ADAMTS20: variants seen among roughly 807,000 people sequenced by gnomAD.
ADAMTS20 encodes A disintegrin and metalloproteinase with thrombospondin motifs 20.
Under a neutral mutation model 260.1 loss-of-function variants are expected in ADAMTS20, and 225 were observed. The ratio of observed to expected loss-of-function variants is 0.87; its 90% confidence interval spans 0.78 to 0.97. ADAMTS20 has a LOEUF of 0.97. Ranked by LOEUF, ADAMTS20 falls within the 50% of genes least tolerant of loss-of-function variation. The probability of loss-of-function intolerance (pLI) is 0.00; values close to 1 mark genes in which losing one functional copy is unlikely to be tolerated. For synonymous variants in ADAMTS20, 802 were observed against 769.5 expected (o/e 1.04, Z -0.70); for missense variants, 2,400 against 2,337.7 (o/e 1.03, Z -0.55).
intron 3 of ADAMTS20, among the ~76,000 whole-genome samples, chr12:43,510,760 C>T (rs78719027): frequency 0.024 from 3,597 of 152,126 alleles, 65 homozygotes; most frequent in East Asian, 0.079. Flanking sequence ...AAATTACAAA[C>T]ATTGAATATC....
At chr12:43,375,986 T>C in intron 35 of ADAMTS20, 71 bp downstream of exon 35, 1 of 1,154,792 alleles carries the variant, frequency 8.7e-7, no homozygotes, top group Non-Finnish European at 1.2e-6. Flanking sequence ...AGTATCACTC[T>C]GAGGGCTAGA....
chr12:43,488,228 G>A (rs1432233294), intron 7 of ADAMTS20, among the ~76,000 whole-genome samples: 2 of 151,958 alleles, frequency 1.3e-5, no homozygotes, highest in East Asian at 3.8e-4. Context: ...TAGAGTTCAG[G>A]TTTAACAGGG....
At chr12:43,379,595 G>T (rs775094193) in intron 31 of ADAMTS20, among the ~76,000 whole-genome samples, 12 of 152,144 alleles carry the variant, frequency 7.9e-5, no homozygotes, top group Non-Finnish European at 1.5e-4. Context: ...CTTGGCAAAG[G>T]CTAGGGAACC....
In ADAMTS20 at chr12:43,424,537, C is replaced by T. The variant is rs1490265176; in HGVS notation, c.4284+977G>A. ...TACTTTTATAAACATAATATTTTCA[C>T]ATTTCCAAACAAAATAATAAGTTGG... On this transcript the variant is annotated intron_variant, in intron 28 of 38. Transcript: ENST00000389420. Among the ~76,000 whole-genome samples, 4 of 152,100 alleles carry T rather than the reference C, an allele frequency of 2.6e-5. No homozygotes were observed. In the East Asian group the frequency reaches 7.7e-4, roughly 29 times the overall value.
At chr12:43,452,221 A>G (rs770887420) in intron 14 of ADAMTS20, 53 bp downstream of exon 14, 149 of 1,525,622 alleles carry the variant, frequency 9.8e-5, no homozygotes, top group Non-Finnish European at 1.2e-4. Flanking sequence ...ATCGAAAAAA[A>G]ACATTATTCT....
chr12:43,418,099 A>G (rs1209492894), intron 28 of ADAMTS20, among the ~76,000 whole-genome samples: 7 of 152,182 alleles, frequency 4.6e-5, no homozygotes, highest in Non-Finnish European at 1.0e-4. Flanking sequence ...GCTCATAAAG[A>G]TGAATTACCA....
chr12:43,528,309 G>A (rs1434415058), intron 3 of ADAMTS20, among the ~76,000 whole-genome samples: 3 of 79,804 alleles, frequency 3.8e-5, no homozygotes, highest in Non-Finnish European at 6.8e-5. Flanking sequence ...AAATTCATAT[G>A]GAACTAAAAA....
Position 43,391,828 on chromosome 12 carries a change from C to T in ADAMTS20, c.4452+7238G>A, listed in dbSNP as rs866053191. Among the ~76,000 whole-genome samples, 11 of 152,244 alleles carry T rather than the reference C, an allele frequency of 7.2e-5. No individual in the cohort carries two copies. The Middle Eastern group carries it at 0.017, about 235-fold the overall frequency. On this transcript the variant is annotated intron_variant, in intron 29 of 38. Transcript: ENST00000389420. ...TAAAGCCCACAAAAGCTAAGAATTTCGTTTACCCAGTAGACTAAAATTCCT... is the reference window on the plus strand; with the variant it reads ...TAAAGCCCACAAAAGCTAAGAATTTTGTTTACCCAGTAGACTAAAATTCCT...
rs760784003 is a variant in ADAMTS20 at position 43,399,199 on chromosome 12, C to T, written c.4319G>A (p.Arg1440His). The T allele has an allele frequency of 6.4e-6, 10 of 1,570,434 alleles. No individual in the cohort carries two copies. Among genetic ancestry groups the T allele is most frequent in the South Asian group, 6.0e-5 (5 of 83,954 alleles). The change falls in exon 29 of 39, where the codon CGT (arginine) becomes CAT (histidine). Residue 1440 changes from arginine to histidine, a missense_variant. Arg to His is a conservative substitution (Grantham distance 29, BLOSUM62 0). Transcript: ENST00000389420. ...SASCGKGRKY[R>H]EVFCIDQFQR... ...GAATTGGTCAATGCAAAACACTTCA[C>T]GGTACTTTCTACCTTTACCACAAGA...
chr12:43,519,153 T>C (rs556204311), intron 3 of ADAMTS20, among the ~76,000 whole-genome samples: 1 of 152,092 alleles, frequency 6.6e-6, no homozygotes, highest in Non-Finnish European at 1.5e-5. Flanking sequence ...CCAGATTCAG[T>C]ACTGTGACTT....
chr12:43,502,130 A>C, intron 4 of ADAMTS20, 22 bp downstream of exon 4: 4 of 1,514,912 alleles, frequency 2.6e-6, no homozygotes, highest in African/African-American at 2.9e-5. Flanking sequence ...GGAAATATAA[A>C]AGTCATATTA....
chr12:43,496,756 T>A (rs1373540388), intron 4 of ADAMTS20, among the ~76,000 whole-genome samples: 1 of 152,170 alleles, frequency 6.6e-6, no homozygotes, highest in Non-Finnish European at 1.5e-5. Context: ...ACATTTGTTT[T>A]AAAGAACAAA....
Position 43,551,249 on chromosome 12 carries a change from G to T in ADAMTS20, c.113C>A (p.Thr38Asn), listed in dbSNP as rs768885061. ...CTCGGGGATCACTACTTCGTAGGAGGTCAGTGTCCTCACCAGGGCTTCTGC... is the reference window on the plus strand; with the variant it reads ...CTCGGGGATCACTACTTCGTAGGAGTTCAGTGTCCTCACCAGGGCTTCTGC... ...PRQEALVRTL[T>N]SYEVVIPERV... Residue 38 changes from threonine to asparagine, a missense_variant, in exon 2 of 39, where the codon ACC (threonine) becomes AAC (asparagine). Transcript: ENST00000389420. The surrounding 1 kb of genome is among the most constrained non-coding windows in gnomAD (Gnocchi z 4.6). 1.4e-5 allele frequency: 22 copies of T among 1,613,364 alleles called. No homozygotes were observed. Among genetic ancestry groups the T allele is most frequent in the South Asian group, 2.2e-5 (2 of 91,068 alleles).
rs1161654076 is a variant in ADAMTS20 at position 43,431,382 on chromosome 12, G to C, written c.3211C>G (p.Pro1071Ala). Reference protein sequence around the residue: ...NSSTKPESLSPCELHTCASWQ... With the variant: ...NSSTKPESLSACELHTCASWQ... ...GAAGCACATGTATGAAGTTCACATG[G>C]ACTCAGAGATTCAGGTTTGGTACTT... Residue 1071 changes from proline (P) to alanine (A), a missense_variant, in exon 22 of 39, where the codon CCA becomes GCA. Physicochemically the swap from Pro to Ala is conservative, Grantham distance 27. Coordinates refer to ENST00000389420, the MANE Select transcript of ADAMTS20 (RefSeq NM_025003.5). 1.2e-6 allele frequency: 2 copies of C among 1,613,874 alleles called. No individual in the cohort carries two copies. Among genetic ancestry groups the C allele is most frequent in the Non-Finnish European group, 1.7e-6 (2 of 1,179,852 alleles).
intron 18 of ADAMTS20, among the ~76,000 whole-genome samples, chr12:43,434,949 G>A (rs1941522190): frequency 6.6e-6 from 1 of 151,868 alleles, no homozygotes; most frequent in South Asian, 2.1e-4. Context: ...TGATCTTTCA[G>A]CCTGGAATCA....
At chr12:43,450,537 T>A (rs1411545709) in intron 14 of ADAMTS20, among the ~76,000 whole-genome samples, 1 of 152,196 alleles carries the variant, frequency 6.6e-6, no homozygotes, top group Non-Finnish European at 1.5e-5. Context: ...ACCTTTTCAG[T>A]ATTTAAACTG....
chr12:43,492,585 G>A lies in ADAMTS20; in HGVS notation c.996C>T (p.Asn332=). The change falls in exon 6 of 39, where the codon AAC becomes AAT. Residue 332 remains asparagine (N), a synonymous_variant. Transcript: ENST00000389420. ...TCTGAGTTTGTTGCCATGAACAAAA[G>A]TTCTTTAATGTGGTAGCACCATCAA... The part of the protein sequence containing the change: ...INFDGATTLK[N]FCSWQQTQND... The A allele has an allele frequency of 6.2e-7, 1 of 1,613,794 alleles. No individual in the cohort carries two copies. Among genetic ancestry groups the A allele is most frequent in the Non-Finnish European group, 8.5e-7 (1 of 1,179,798 alleles).
At chr12:43,441,536 G>A (rs1197844072) in intron 16 of ADAMTS20, among the ~76,000 whole-genome samples, 1 of 152,048 alleles carries the variant, frequency 6.6e-6, no homozygotes, top group East Asian at 1.9e-4. Flanking sequence ...CTGCATAATA[G>A]AAATAATAAA....
rs150817166 is a variant in ADAMTS20 at position 43,537,744 on chromosome 12, A to C, written c.454-5549T>G. 6.9e-3 allele frequency among the ~76,000 whole-genome samples: 1,043 copies of C among 152,168 alleles called. 11 individuals are homozygous for C. The highest frequency in any genetic ancestry group is 0.024 in the African/African-American group (985 of 41,540). The stretch of plus-strand genomic sequence containing the variant: ...CATGAGTTCAACTGTTTTGGGTTTT[A>C]GATCCTACAAATAACATGCAGTGTA... On this transcript the variant is annotated intron_variant, in intron 2 of 38. Transcript: ENST00000389420.
Sources: gnomAD v4.1 joint callset for allele counts (sites outside exome capture counted in the v4.1 genomes callset) on GRCh38, gnomAD v4.1.1 for gene constraint, Gnocchi (gnomAD v3.1) non-coding constraint, MANE v1.5 for transcripts, NCBI Gene and HGNC (gene_info 2026-07-23, HGNC 2026-07-21) for gene names.